Variants in PTER observed in about 807,000 individuals in gnomAD.
PTER encodes the protein N-acetyltaurine hydrolase.
In PTER, 38 loss-of-function variants were observed where a neutral mutation model predicts 29.6. The observed-to-expected ratio is 1.28, with a 90% confidence interval of 0.99 to 1.68. The LOEUF (loss-of-function observed/expected upper bound fraction) is 1.68. Ranked by LOEUF, PTER falls within the 40% of genes most tolerant of loss-of-function variation. PTER has a pLI of 0.00. For missense variants in PTER, 482 were observed against 427.8 expected (o/e 1.13, Z -1.12); for synonymous variants, 172 against 154.5 (o/e 1.11, Z -0.84).
At chr10:16,446,780 GTTTGT>G (rs200867111) in intron 1 of PTER, among the ~76,000 whole-genome samples, 7 of 149,300 alleles carry the variant, frequency 4.7e-5, no homozygotes, top group Non-Finnish European at 5.9e-5. Flanking sequence ...TTGTTTGTTT[GTTTGT>G]TTTGTTTTGT....
downstream of PTER, among the ~76,000 whole-genome samples, chr10:16,515,166 G>T (rs1836930167): frequency 6.6e-6 from 1 of 150,628 alleles, no homozygotes. Context: ...TTAGAAAATT[G>T]AGGTATGTAA....
intron 1 of PTER, among the ~76,000 whole-genome samples, chr10:16,472,546 A>G (rs1835092691): frequency 6.6e-6 from 1 of 152,142 alleles, no homozygotes; most frequent in South Asian, 2.1e-4. Context: ...GCCGTCCGCC[A>G]TGATTGAGAG....
At chr10:16,473,519 GAAAAAAAAA>G (rs72001271) in intron 1 of PTER, among the ~76,000 whole-genome samples, 8 of 28,168 alleles carry the variant, frequency 2.8e-4, no homozygotes, top group East Asian at 1.4e-3. Flanking sequence ...GACTCCATCC[GAAAAAAAAA>G]AAAAAAAAAA....
intron 3 of PTER, among the ~76,000 whole-genome samples, chr10:16,503,676 G>C (rs921975877): frequency 6.6e-6 from 1 of 152,128 alleles, no homozygotes; most frequent in Non-Finnish European, 1.5e-5. Flanking sequence ...AAAGTGCTGG[G>C]ATTACAGGTG....
rs138000455 is a variant in PTER at position 16,444,062 on chromosome 10, C to T, written c.-49+7015C>T. Among the ~76,000 whole-genome samples, 244 of 148,358 alleles carry T rather than the reference C, an allele frequency of 1.6e-3. 2 individuals are homozygous for T. The highest frequency in any genetic ancestry group is 5.5e-3 in the African/African-American group (222 of 40,008). On this transcript the variant is annotated intron_variant, in intron 1 of 4. Coordinates refer to ENST00000535784, the MANE Select transcript of PTER (RefSeq NM_001261836.2). The stretch of plus-strand genomic sequence containing the variant: ...CTGTTGCCATGCTGGAGTGCATTGG[C>T]GCGATCTCGGCTGACTGCAACCTCT...
intron 1 of PTER, among the ~76,000 whole-genome samples, chr10:16,477,464 A>G (rs1250165508): frequency 6.6e-6 from 1 of 152,196 alleles, no homozygotes; most frequent in Non-Finnish European, 1.5e-5. Context: ...GGCGTGAGCT[A>G]CTGTGCCCAG....
At chr10:16,472,860 T>C (rs6602124) in intron 1 of PTER, among the ~76,000 whole-genome samples, 96,970 of 151,964 alleles carry the variant, frequency 0.64, 32,440 homozygotes, top group African/African-American at 0.84. Flanking sequence ...ATTTTATGTA[T>C]GTAGCTTCTA....
chr10:16,498,475 C>T (rs191260515), intron 3 of PTER, among the ~76,000 whole-genome samples: 3 of 152,054 alleles, frequency 2.0e-5, no homozygotes, highest in Non-Finnish European at 4.4e-5. Flanking sequence ...CCCAGCTACT[C>T]GGGAGGCTGA....
chr10:16,466,001 A>G (rs758987315), intron 1 of PTER, among the ~76,000 whole-genome samples: 4 of 152,144 alleles, frequency 2.6e-5, no homozygotes, highest in African/African-American at 7.2e-5. Flanking sequence ...CTCCCTCAAT[A>G]TGTAGGGATT....
At chr10:16,469,986 C>T (rs888695145) in intron 1 of PTER, among the ~76,000 whole-genome samples, 1 of 151,796 alleles carries the variant, frequency 6.6e-6, no homozygotes, top group Non-Finnish European at 1.5e-5. Flanking sequence ...TGTAAATTAC[C>T]GAGTGCTGGG....
At chr10:16,465,942 C>G (rs1189864564) in intron 1 of PTER, among the ~76,000 whole-genome samples, 1 of 152,130 alleles carries the variant, frequency 6.6e-6, no homozygotes, top group Non-Finnish European at 1.5e-5. Flanking sequence ...ATCATGAGAA[C>G]AGCATGGGGA....
At chr10:16,440,379 T>G (rs1833804950) in intron 1 of PTER, among the ~76,000 whole-genome samples, 1 of 151,860 alleles carries the variant, frequency 6.6e-6, no homozygotes, top group Non-Finnish European at 1.5e-5. Flanking sequence ...ACAAAAGGCT[T>G]CTCATTCATA....
intron 1 of PTER, among the ~76,000 whole-genome samples, chr10:16,452,220 C>CACACACACACACACACATAT (rs1282331852): frequency 6.9e-6 from 1 of 144,944 alleles, no homozygotes; most frequent in Non-Finnish European, 1.5e-5. Context: ...CACACACACA[C>CACACACACACACACACATAT]ATATATATAC....
chr10:16,514,854 G>A, downstream of PTER: 1 of 627,242 alleles, frequency 1.6e-6, no homozygotes, highest in Non-Finnish European at 2.7e-6. Context: ...AGCTTTATGA[G>A]GATAGTGCTG....
chr10:16,468,014 A>G (rs1289460306), intron 1 of PTER, among the ~76,000 whole-genome samples: 1 of 152,142 alleles, frequency 6.6e-6, no homozygotes, highest in African/African-American at 2.4e-5. Flanking sequence ...GTGATCTCAG[A>G]ATTATCTATT....
chr10:16,492,999 A>C (rs1287215063), intron 3 of PTER, among the ~76,000 whole-genome samples: 1 of 152,204 alleles, frequency 6.6e-6, no homozygotes, highest in Non-Finnish European at 1.5e-5. Context: ...AATTAGATGA[A>C]ATAAGAGAGT....
intron 3 of PTER, among the ~76,000 whole-genome samples, chr10:16,491,613 A>G (rs1017660241): frequency 3.3e-5 from 5 of 152,148 alleles, no homozygotes; most frequent in African/African-American, 1.2e-4. Flanking sequence ...AAAAACCAAG[A>G]CAAAATGGCA....
chr10:16,457,540 C>T (rs978711335), intron 1 of PTER, among the ~76,000 whole-genome samples: 1 of 151,828 alleles, frequency 6.6e-6, no homozygotes. Context: ...AGCATTTCTT[C>T]TTTAGGAAAG....
At position 16,488,205 on chromosome 10, in the gene PTER, A is replaced by G. The variant is rs769476404; in HGVS notation, c.698+1588A>G. On this transcript the variant is annotated intron_variant, in intron 3 of 4. Coordinates refer to ENST00000535784, the MANE Select transcript of PTER (RefSeq NM_001261836.2). The stretch of plus-strand genomic sequence containing the variant: ...ACTGATAAAGTAGAGGCATGCTTCT[A>G]TATACTGGTCACAGAGACAATGCAT... Among the ~76,000 whole-genome samples, 4 of 152,316 alleles carry G rather than the reference A, an allele frequency of 2.6e-5. No homozygotes were observed. In the East Asian group the frequency reaches 5.8e-4, roughly 22 times the overall value.
Sources: allele counts gnomAD v4.1 joint callset (sites outside exome capture counted in the v4.1 genomes callset), GRCh38; gene constraint gnomAD v4.1.1; transcripts MANE v1.5; gene names NCBI Gene and HGNC (gene_info 2026-07-23, HGNC 2026-07-21).